Variants in TMEM132D observed in about 807,000 individuals in gnomAD.
The protein encoded by TMEM132D is transmembrane protein 132D.
A neutral mutation model predicts 62.3 loss-of-function variants in TMEM132D; 21 were observed. The ratio of observed to expected loss-of-function variants is 0.34; its 90% CI spans 0.24 to 0.49. TMEM132D has a LOEUF of 0.49. Ranked by LOEUF, TMEM132D falls within the 20% of genes least tolerant of loss-of-function variation. The pLI, the probability that TMEM132D is intolerant of heterozygous loss-of-function variation, is 0.99. For missense variants in TMEM132D, 1,346 were observed against 1,402.8 expected, an observed-to-expected ratio of 0.96 and a Z score of 0.65; for synonymous variants, 621 against 575.6, an observed-to-expected ratio of 1.08 and a Z score of -1.13.
chr12:129,291,573 A>G (rs1312020295), intron 4 of TMEM132D, among the ~76,000 whole-genome samples: 4 of 152,194 alleles, frequency 2.6e-5, no homozygotes, highest in Non-Finnish European at 5.9e-5. Context: ...TAACAGAACA[A>G]AGGCTACGGA....
At chr12:129,650,496 T>C (rs1046322690) in intron 2 of TMEM132D, among the ~76,000 whole-genome samples, 1 of 152,218 alleles carries the variant, frequency 6.6e-6, no homozygotes, top group African/African-American at 2.4e-5. Context: ...CTGGGTTATT[T>C]GGCAGCTGCA....
intron 2 of TMEM132D, among the ~76,000 whole-genome samples, chr12:129,588,101 T>C (rs191037225): frequency 6.6e-6 from 1 of 152,362 alleles, no homozygotes; most frequent in Admixed American, 6.5e-5. Flanking sequence ...TCTCTTACTC[T>C]GACCCTACTA....
intron 3 of TMEM132D, among the ~76,000 whole-genome samples, chr12:129,496,670 T>TAA (rs3046079): frequency 0.014 from 2,166 of 150,302 alleles, 56 homozygotes; most frequent in African/African-American, 0.049. Context: ...CAACTTACAT[T>TAA]AAAAAAAAAA....
chr12:129,082,314 T>G lies in TMEM132D; in HGVS notation c.1650-282A>C, dbSNP rs541786073. 2.6e-5 allele frequency among the ~76,000 whole-genome samples: 4 copies of G among 152,246 alleles called. No homozygotes were observed. In the South Asian group the frequency reaches 6.2e-4, roughly 24 times the overall value. On this transcript the variant is annotated intron_variant, in intron 6 of 8. Coordinates refer to ENST00000422113, the MANE Select transcript of TMEM132D (RefSeq NM_133448.3). ...CTTTGTGTAAACCTCTCCCTTTGAGTGTGGGCTGGACCTAGTTTCTTTCAT... is the reference window on the plus strand; with the variant it reads ...CTTTGTGTAAACCTCTCCCTTTGAGGGTGGGCTGGACCTAGTTTCTTTCAT...
At chr12:129,864,035 C>T (rs144275282) in intron 1 of TMEM132D, among the ~76,000 whole-genome samples, 3 of 152,292 alleles carry the variant, frequency 2.0e-5, no homozygotes, top group Non-Finnish European at 4.4e-5. Context: ...TAGTTCACTT[C>T]TAAAGAACAG....
At chr12:129,619,984 C>T (rs1295611845) in intron 2 of TMEM132D, among the ~76,000 whole-genome samples, 4 of 152,220 alleles carry the variant, frequency 2.6e-5, no homozygotes, top group African/African-American at 9.6e-5. Context: ...CGGCCCAAAG[C>T]CACGCAGCCC....
At chr12:129,455,918 T>A (rs1409021182) in intron 3 of TMEM132D, among the ~76,000 whole-genome samples, 1 of 152,158 alleles carries the variant, frequency 6.6e-6, no homozygotes, top group Non-Finnish European at 1.5e-5. Context: ...ACAACCCTAC[T>A]CTCTATGTGA....
chr12:129,541,066 T>C (rs968258484), intron 2 of TMEM132D, among the ~76,000 whole-genome samples: 1 of 152,214 alleles, frequency 6.6e-6, no homozygotes, highest in South Asian at 2.1e-4. Flanking sequence ...AACGCATGCA[T>C]GCACACATTT....
intron 3 of TMEM132D, among the ~76,000 whole-genome samples, chr12:129,349,423 G>C (rs1869794613): frequency 6.6e-6 from 1 of 151,838 alleles, no homozygotes; most frequent in Non-Finnish European, 1.5e-5. Flanking sequence ...AAGGAAAAAG[G>C]ACAACAAACT....
chr12:129,827,343 C>T lies in TMEM132D; in HGVS notation c.79+75918G>A, dbSNP rs1288559615. 6.6e-6 allele frequency among the ~76,000 whole-genome samples: 1 copy of T among 152,126 alleles called. No homozygotes were observed. Among genetic ancestry groups the T allele is most frequent in the Non-Finnish European group, 1.5e-5 (1 of 68,024 alleles). Reference sequence around the variant, plus strand: ...AGGGTCCTCTCCAGTTTCTAAGCCCCAAATTCATGGTCACACCCCCAGGCA... The same window carrying T: ...AGGGTCCTCTCCAGTTTCTAAGCCCTAAATTCATGGTCACACCCCCAGGCA... On this transcript the variant is annotated intron_variant, in intron 1 of 8. Coordinates refer to ENST00000422113, the MANE Select transcript of TMEM132D (RefSeq NM_133448.3). The surrounding 1 kb of genome is among the most constrained non-coding windows in gnomAD (Gnocchi z 9.7).
Position 129,699,671 on chromosome 12 carries a change from G to T in TMEM132D, c.968+139C>A. ...GATCAGACTGGTCTCTGTATTCCAC[G>T]GTGCAGATGGAGTTTGTAAGAACGG... On this transcript the variant is annotated intron_variant, in intron 2 of 8. Transcript: ENST00000422113. The T allele has an allele frequency of 5.0e-6, 5 of 1,009,534 alleles. No homozygotes were observed. In the South Asian group the frequency reaches 6.7e-5, roughly 13 times the overall value. The allele number at this position is 1,009,534 out of a possible 1,614,324, so 62.5% of individuals were successfully genotyped here. A position where few individuals can be genotyped will look rare whatever the true frequency, so the allele number is the denominator to read the frequency against.
chr12:129,274,055 G>A (rs1366254841), intron 4 of TMEM132D, among the ~76,000 whole-genome samples: 2 of 151,708 alleles, frequency 1.3e-5, no homozygotes, highest in African/African-American at 4.9e-5. Context: ...ACATTCTCTT[G>A]GATGTGAGTT....
At chr12:129,837,313 T>C (rs1474660987) in intron 1 of TMEM132D, among the ~76,000 whole-genome samples, 2 of 152,186 alleles carry the variant, frequency 1.3e-5, no homozygotes, top group African/African-American at 2.4e-5. Flanking sequence ...GAAGTAAGCC[T>C]GGAAATACCA....
At chr12:129,563,373 T>G (rs1877289174) in intron 2 of TMEM132D, among the ~76,000 whole-genome samples, 1 of 152,200 alleles carries the variant, frequency 6.6e-6, no homozygotes, top group Non-Finnish European at 1.5e-5. Flanking sequence ...GCTCTTAGTT[T>G]TGGGTATGTG....
intron 2 of TMEM132D, among the ~76,000 whole-genome samples, chr12:129,601,560 T>C (rs937957039): frequency 7.9e-5 from 12 of 152,218 alleles, no homozygotes; most frequent in Non-Finnish European, 1.8e-4. Flanking sequence ...TGATTTAAAA[T>C]GTGAGATGTG....
chr12:129,758,197 G>A (rs112728292), intron 1 of TMEM132D, among the ~76,000 whole-genome samples: 1,769 of 152,194 alleles, frequency 0.012, 19 homozygotes, highest in Non-Finnish European at 0.018. Context: ...GAGCCACCAC[G>A]CCTGGCCCAC....
At chr12:129,816,221 G>A (rs549719548) in intron 1 of TMEM132D, among the ~76,000 whole-genome samples, 1 of 152,252 alleles carries the variant, frequency 6.6e-6, no homozygotes, top group African/African-American at 2.4e-5. Context: ...TGAGAATGTA[G>A]AAAATGATGT....
chr12:129,718,370 A>C (rs1868672163), intron 1 of TMEM132D, among the ~76,000 whole-genome samples: 1 of 152,206 alleles, frequency 6.6e-6, no homozygotes, highest in African/African-American at 2.4e-5. Context: ...GGCTCCCCAG[A>C]GGACATGGAG....
At chr12:129,127,585 G>A (rs1227234921) in intron 5 of TMEM132D, among the ~76,000 whole-genome samples, 1 of 152,090 alleles carries the variant, frequency 6.6e-6, no homozygotes, top group Admixed American at 6.5e-5. Context: ...GCTAAATACA[G>A]GGGCCTTTAA....
Sources: gnomAD v4.1 joint callset for allele counts (sites outside exome capture counted in the v4.1 genomes callset) on GRCh38, gnomAD v4.1.1 for gene constraint, Gnocchi (gnomAD v3.1) non-coding constraint, MANE v1.5 for transcripts, NCBI Gene and HGNC (gene_info 2026-07-23, HGNC 2026-07-21) for gene names.